Variants in ANXA4 observed in about 807,000 individuals in gnomAD.
The protein encoded by ANXA4 is annexin A4, also known as 35-beta calcimedin.
ANXA4 carries 39 observed loss-of-function variants against 49.8 expected under a neutral mutation model. That is an observed-to-expected ratio of 0.78 (90% CI 0.61 to 1.02). The LOEUF (loss-of-function observed/expected upper bound fraction) is 1.02. Ranked by LOEUF, ANXA4 falls within the 50% of genes least tolerant of loss-of-function variation. The pLI is 0.00. For missense variants in ANXA4, 360 were observed against 410.1 expected (o/e 0.88, Z 1.05); for synonymous variants, 134 against 152.5 (o/e 0.88, Z 0.89).
chr2:69,644,165 T>TTCGCGCCCCCCCCCCCCCCCC (rs1553424953), upstream of ANXA4, among the ~76,000 whole-genome samples: 2 of 21,116 alleles, frequency 9.5e-5, 1 homozygote, highest in African/African-American at 3.4e-4. Flanking sequence ...ACAACTAAGT[T>TTCGCGCCCCCCCCCCCCCCCC]CCCCCCCCCC....
chr2:69,738,630 C>A (rs544773508), upstream of ANXA4, among the ~76,000 whole-genome samples: 1 of 152,136 alleles, frequency 6.6e-6, no homozygotes, highest in African/African-American at 2.4e-5. Flanking sequence ...AGCTTCCAAG[C>A]GTGCATAAGA....
At position 69,826,154 on chromosome 2, in the gene ANXA4, A is replaced by C. The variant is rs1674463374; in HGVS notation, c.*639A>C. The C allele has an allele frequency of 6.5e-6, 1 of 152,686 alleles. No homozygotes were observed. Among genetic ancestry groups the C allele is most frequent in the Non-Finnish European group, 1.5e-5 (1 of 68,060 alleles). The allele number at this position is 152,686 out of a possible 1,614,324, so 9.5% of individuals were successfully genotyped here. On this transcript the variant is annotated 3_prime_UTR_variant, in exon 13 of 13. Transcript: ENST00000394295. ...AACCAATTTATCTGAACTAAATTCT[A>C]AAGTATGGTTATACAAACCATATAC...
At chr2:69,696,254 C>T (rs754621839) in intron 2 of ANXA4, among the ~76,000 whole-genome samples, 3 of 152,164 alleles carry the variant, frequency 2.0e-5, no homozygotes, top group African/African-American at 4.8e-5. Flanking sequence ...TTCAACACTG[C>T]TCACAGCACC....
intron 2 of ANXA4, among the ~76,000 whole-genome samples, chr2:69,711,776 G>A (rs1678685383): frequency 1.3e-5 from 2 of 152,080 alleles, no homozygotes; most frequent in Admixed American, 6.6e-5. Flanking sequence ...ACAGATTGGG[G>A]AATTCAGAAA....
chr2:69,717,316 G>A (rs552199239), intron 2 of ANXA4, among the ~76,000 whole-genome samples: 1 of 152,154 alleles, frequency 6.6e-6, no homozygotes, highest in African/African-American at 2.4e-5. Flanking sequence ...ACTGAGGCTG[G>A]TGCTGGAAAA....
intron 1 of ANXA4, among the ~76,000 whole-genome samples, chr2:69,647,147 G>A (rs950733484): frequency 6.6e-6 from 1 of 152,076 alleles, no homozygotes; most frequent in Admixed American, 6.6e-5. Flanking sequence ...CAACTCATTT[G>A]GCATAAATTT....
intron 2 of ANXA4, among the ~76,000 whole-genome samples, chr2:69,707,408 A>G (rs909983867): frequency 3.3e-5 from 5 of 152,198 alleles, no homozygotes; most frequent in African/African-American, 9.7e-5. Flanking sequence ...AAAATTGCCA[A>G]TATTCCAGGA....
intron 3 of ANXA4, among the ~76,000 whole-genome samples, chr2:69,721,940 G>A (rs905903350): frequency 6.6e-6 from 1 of 152,162 alleles, no homozygotes; most frequent in African/African-American, 2.4e-5. Flanking sequence ...GAAAGGTTTG[G>A]ATTTGAATCC....
chr2:69,665,931 A>G (rs1295658693), intron 2 of ANXA4, among the ~76,000 whole-genome samples: 1 of 152,224 alleles, frequency 6.6e-6, no homozygotes, highest in East Asian at 1.9e-4. Context: ...AGGGCCAGGC[A>G]TGGTGGCTCA....
At chr2:69,779,359 G>GC (rs1294735172) in intron 1 of ANXA4, among the ~76,000 whole-genome samples, 1 of 152,162 alleles carries the variant, frequency 6.6e-6, no homozygotes, top group African/African-American at 2.4e-5. Flanking sequence ...CTTATCCACT[G>GC]CATTATCTCT....
rs1333479533 is a variant in ANXA4 at position 69,676,017 on chromosome 2, A to AT, written n.766+22735_766+22736insT. On this transcript the variant is annotated intron_variant and non_coding_transcript_variant, in intron 2 of 3. Coordinates refer to the ANXA4 transcript ENST00000418066. ...GCAAGACTCTGTCTCAAAAAAAAAA[A>AT]AATAATAATGATAATAATAATAATA... Among the ~76,000 whole-genome samples, 11 of 150,992 alleles carry AT rather than the reference A, an allele frequency of 7.3e-5. No individual in the cohort carries two copies. The East Asian group carries it at 1.9e-3, about 27-fold the overall frequency.
At chr2:69,816,456 A>G in intron 9 of ANXA4, 1 of 345,802 alleles carries the variant, frequency 2.9e-6, no homozygotes, top group Non-Finnish European at 5.4e-6. Flanking sequence ...ACTGACCTTC[A>G]CAGTCAGTCC....
In ANXA4 at chr2:69,806,504, T is replaced by C; in HGVS notation, c.306+6T>C. ...AGCTGCGAAGGGCCATGAAGGTCTGTGCTCTTCCTCTCGTGCTCTTGGTGC... is the reference window on the plus strand; with the variant it reads ...AGCTGCGAAGGGCCATGAAGGTCTGCGCTCTTCCTCTCGTGCTCTTGGTGC... On this transcript the variant is annotated splice_donor_region_variant and intron_variant, in intron 5 of 12. Transcript: ENST00000394295. 6.2e-7 allele frequency: 1 copy of C among 1,610,136 alleles called. No homozygotes were observed. Among genetic ancestry groups the C allele is most frequent in the Non-Finnish European group, 8.5e-7 (1 of 1,176,360 alleles).
At chr2:69,677,066 T>A (rs1272807405) in intron 2 of ANXA4, among the ~76,000 whole-genome samples, 2 of 152,162 alleles carry the variant, frequency 1.3e-5, no homozygotes, top group African/African-American at 2.4e-5. Context: ...TCATTCTACC[T>A]CAGCTTCCCA....
Position 69,649,924 on chromosome 2 carries a change from A to ATTTTTTTT in ANXA4, n.482-3052_482-3045dup, listed in dbSNP as rs35212855. 2.9e-3 allele frequency among the ~76,000 whole-genome samples: 149 copies of ATTTTTTTT among 52,038 alleles called. 11 individuals are homozygous for ATTTTTTTT. The highest frequency in any genetic ancestry group is 4.1e-3 in the Non-Finnish European group (133 of 32,384). 34.1% of individuals were successfully genotyped at this position (52,038 alleles called of 152,430 possible). ...GGTGTGAGCCACTGTGCCTGGCCTG[A>ATTTTTTTT]TTTTTTTTTTTTTTTTTTTTTTTTT... On this transcript the variant is annotated intron_variant and non_coding_transcript_variant, in intron 1 of 3. Transcript: ENST00000418066.
At chr2:69,680,025 C>T (rs549601465) in intron 2 of ANXA4, among the ~76,000 whole-genome samples, 2 of 152,126 alleles carry the variant, frequency 1.3e-5, no homozygotes, top group African/African-American at 4.8e-5. Flanking sequence ...AGGATTTTTT[C>T]CCCTATTTCT....
intron 2 of ANXA4, among the ~76,000 whole-genome samples, chr2:69,785,551 T>TTGATGATGATGATGATGATGATGA (rs10689485): frequency 5.3e-5 from 8 of 150,872 alleles, no homozygotes; most frequent in South Asian, 4.2e-4. Flanking sequence ...GAAGTTCTCT[T>TTGATGATGATGATGATGATGATGA]TGATGATGAT....
chr2:69,680,204 T>G (rs1573094959), intron 2 of ANXA4, among the ~76,000 whole-genome samples: 1 of 152,218 alleles, frequency 6.6e-6, no homozygotes, highest in Non-Finnish European at 1.5e-5. Flanking sequence ...GTAGTTTCCC[T>G]TATAGAAGTC....
At chr2:69,695,059 A>C (rs921943419) in intron 2 of ANXA4, among the ~76,000 whole-genome samples, 35 of 151,998 alleles carry the variant, frequency 2.3e-4, no homozygotes, top group African/African-American at 7.0e-4. Context: ...TGGGAGTATC[A>C]CTTGAGCCCA....
Sources: allele counts gnomAD v4.1 joint callset (sites outside exome capture counted in the v4.1 genomes callset), GRCh38; gene constraint gnomAD v4.1.1; transcripts MANE v1.5; gene names NCBI Gene and HGNC (gene_info 2026-07-23, HGNC 2026-07-21).